Variants in TSPEAR observed in about 807,000 individuals in gnomAD.
TSPEAR encodes thrombospondin type laminin G domain and EAR repeats.
TSPEAR carries 69 observed loss-of-function variants against 71.6 expected under a neutral mutation model. The ratio of observed to expected loss-of-function variants is 0.96; its 90% CI spans 0.79 to 1.18. The LOEUF is 1.18. Among genes scored for constraint, TSPEAR ranks in the 50% most tolerant of loss-of-function variants. The pLI is 0.00. For missense variants in TSPEAR, 971 were observed against 894.9 expected, an observed-to-expected ratio of 1.09 and a Z score of -1.09; for synonymous variants, 402 against 387.2, an observed-to-expected ratio of 1.04 and a Z score of -0.45.
intron 1 of TSPEAR, among the ~76,000 whole-genome samples, chr21:44,641,814 T>C (rs1425143519): frequency 6.6e-6 from 1 of 152,144 alleles, no homozygotes; most frequent in Non-Finnish European, 1.5e-5. Context: ...GGGAAGAAAT[T>C]CCGCACCTAG....
chr21:44,708,860 G>A (rs1372272196), intron 1 of TSPEAR, among the ~76,000 whole-genome samples: 2 of 152,236 alleles, frequency 1.3e-5, no homozygotes, highest in Admixed American at 1.3e-4. Context: ...CCTGGCCTGT[G>A]GCTGCCACAT....
At chr21:44,580,720 C>G (rs999082148) in intron 1 of TSPEAR, 1 of 825,372 alleles carries the variant, frequency 1.2e-6, no homozygotes, top group Non-Finnish European at 1.9e-6. Flanking sequence ...GTTGTCCCGA[C>G]AGGAGGCTCC....
intron 1 of TSPEAR, among the ~76,000 whole-genome samples, chr21:44,572,510 C>T (rs2053817453): frequency 6.6e-6 from 1 of 152,062 alleles, no homozygotes; most frequent in South Asian, 2.1e-4. Flanking sequence ...GTGCTGGGCA[C>T]CTGCTGTCCT....
In TSPEAR at chr21:44,580,631, G is replaced by A. The variant is rs782098425; in HGVS notation, c.83-12626C>T. On this transcript the variant is annotated intron_variant, in intron 1 of 11. Coordinates refer to ENST00000323084, the MANE Select transcript of TSPEAR (RefSeq NM_144991.3). ...AGCTGGGGGAGGTGTGAGTGAGTGA[G>A]TGTGTGAGTGAGTGAAGGAGGGAGT... The A allele has an allele frequency of 1.6e-3, 2,432 of 1,544,574 alleles. 4 individuals are homozygous for A. The highest frequency in any genetic ancestry group is 2.0e-3 in the Non-Finnish European group (2,284 of 1,133,440).
intron 1 of TSPEAR, chr21:44,579,734 C>T (rs1555924529): frequency 6.3e-7 from 1 of 1,594,828 alleles, no homozygotes; most frequent in South Asian, 1.1e-5. Flanking sequence ...TGCACATCAG[C>T]AACTGGACTC....
chr21:44,615,707 C>T (rs1455916215), intron 1 of TSPEAR, among the ~76,000 whole-genome samples: 1 of 152,072 alleles, frequency 6.6e-6, no homozygotes. Context: ...CTGAAGATGG[C>T]CAACTTCTAT....
intron 2 of TSPEAR, among the ~76,000 whole-genome samples, chr21:44,536,165 T>A (rs2053087861): frequency 6.6e-6 from 1 of 152,232 alleles, no homozygotes; most frequent in Non-Finnish European, 1.5e-5. Context: ...CCTGCCCAGC[T>A]GCAGTGGCTG....
In TSPEAR at chr21:44,540,227, AGT is replaced by A. The variant is rs2146005581; in HGVS notation, c.304-6306_304-6305del. On this transcript the variant is annotated intron_variant, in intron 2 of 11. Coordinates refer to ENST00000323084, the MANE Select transcript of TSPEAR (RefSeq NM_144991.3). ...GAGTCAGTGTGTGTGTGAGTGACTG[AGT>A]GTGTGAGTGAGTGTGTGAGCTTCGT... The A allele has an allele frequency of 2.6e-6, 4 of 1,564,818 alleles. No individual in the cohort carries two copies. In the East Asian group the frequency reaches 6.7e-5, roughly 26 times the overall value.
intron 1 of TSPEAR, among the ~76,000 whole-genome samples, chr21:44,691,176 A>T (rs1555949695): frequency 6.6e-6 from 1 of 151,870 alleles, no homozygotes; most frequent in Non-Finnish European, 1.5e-5. Context: ...TCCTAAGAAC[A>T]TGATTTTACA....
In TSPEAR at chr21:44,710,287, G is replaced by C. The variant is rs530105456; in HGVS notation, c.82+1146C>G. On this transcript the variant is annotated intron_variant, in intron 1 of 11. Transcript: ENST00000323084. This position sits in a 1 kb window ranked among gnomAD's most constrained non-coding sequence, Gnocchi z 4.6. ...CAGGTGCAGCTGTGCGGGAGCTTCA[G>C]TCCTGTCCCCAACACCCAGGCAGTA... is the stretch of plus-strand genomic sequence containing the variant. Among the ~76,000 whole-genome samples, 1 of 152,206 alleles carries C rather than the reference G, an allele frequency of 6.6e-6. No individual in the cohort carries two copies. Among genetic ancestry groups the C allele is most frequent in the South Asian group, 2.1e-4 (1 of 4,836 alleles).
At position 44,580,614 on chromosome 21, in the gene TSPEAR, G is replaced by C. The variant is rs782570317; in HGVS notation, c.83-12609C>G. 75 of 1,583,820 alleles carry C rather than the reference G, an allele frequency of 4.7e-5. No individual in the cohort carries two copies. In the South Asian group the frequency reaches 8.8e-4, roughly 19 times the overall value. On this transcript the variant is annotated intron_variant, in intron 1 of 11. Transcript: ENST00000323084. ...GGAAGACGTGAGCTGGGAGCTGGGG[G>C]AGGTGTGAGTGAGTGAGTGTGTGAG...
At position 44,710,412 on chromosome 21, in the gene TSPEAR, GACCCCCACCCCC is replaced by G. The variant is rs140436354; in HGVS notation, c.82+1009_82+1020del. 2.1e-4 allele frequency among the ~76,000 whole-genome samples: 31 copies of G among 150,592 alleles called. 1 individual carries two copies. Among genetic ancestry groups the G allele is most frequent in the African/African-American group, 3.9e-4 (16 of 40,810 alleles). ...TCCCTGGGTGGGCAGGCACGTTTATGACCCCCACCCCCACCCCCACCCCCCACGCGAGTCAGC... is the reference window on the plus strand; with the variant it reads ...TCCCTGGGTGGGCAGGCACGTTTATGACCCCCACCCCCCACGCGAGTCAGC... On this transcript the variant is annotated intron_variant, in intron 1 of 11. Transcript: ENST00000323084. The surrounding 1 kb of genome is among the most constrained non-coding windows in gnomAD (Gnocchi z 4.6).
rs587654699 is a variant in TSPEAR at position 44,498,283 on chromosome 21, T to A, written c.*1500A>T. The A allele has an allele frequency of 6.6e-6, 1 of 152,388 alleles. No homozygotes were observed. The highest frequency in any genetic ancestry group is 6.5e-5 in the Admixed American group (1 of 15,308). 9.4% of individuals were successfully genotyped at this position (152,388 alleles called of 1,614,324 possible). Reference sequence around the variant, plus strand: ...GTGAATTGGGGTGTCGAGTTTTTAATCTTCCTTTCACAGGTGCTGACCCAA... The same window carrying A: ...GTGAATTGGGGTGTCGAGTTTTTAAACTTCCTTTCACAGGTGCTGACCCAA... On this transcript the variant is annotated 3_prime_UTR_variant, in exon 12 of 12. Transcript: ENST00000323084.
chr21:44,612,762 G>T lies in TSPEAR; in HGVS notation c.83-44757C>A. The T allele has an allele frequency of 1.9e-6, 3 of 1,613,662 alleles. No homozygotes were observed. The highest frequency in any genetic ancestry group is 2.5e-6 in the Non-Finnish European group (3 of 1,179,938). ...TGCCGCCCTGTGTGCCGGCCTGCCT[G>T]CTGTGTGCCTGTCCCCTCCTGTTGT... On this transcript the variant is annotated intron_variant, in intron 1 of 11. Coordinates refer to ENST00000323084, the MANE Select transcript of TSPEAR (RefSeq NM_144991.3). This position sits in a 1 kb window ranked among gnomAD's most constrained non-coding sequence, Gnocchi z 4.1.
At chr21:44,586,005 G>T (rs464281) in intron 1 of TSPEAR, among the ~76,000 whole-genome samples, 10 of 152,322 alleles carry the variant, frequency 6.6e-5, no homozygotes, top group South Asian at 2.1e-4. Flanking sequence ...GCTGAGTACA[G>T]GGGCTTTGGT....
At chr21:44,570,312 G>T (rs923344888) in intron 1 of TSPEAR, among the ~76,000 whole-genome samples, 2 of 152,202 alleles carry the variant, frequency 1.3e-5, no homozygotes, top group Admixed American at 6.5e-5. Context: ...CGGACCCCAC[G>T]CCTGCAGTGT....
chr21:44,709,179 C>T (rs1379455558), intron 1 of TSPEAR, among the ~76,000 whole-genome samples: 6 of 152,100 alleles, frequency 3.9e-5, no homozygotes, highest in African/African-American at 1.4e-4. Context: ...GGATCTCCTG[C>T]CTTGATCTCC....
chr21:44,612,613 C>CA lies in TSPEAR; in HGVS notation c.83-44609dup. On this transcript the variant is annotated intron_variant, in intron 1 of 11. Transcript: ENST00000323084. This position sits in a 1 kb window ranked among gnomAD's most constrained non-coding sequence, Gnocchi z 4.1. ...AGGCCTGCTGTGTGCCCATCTGCTG[C>CA]AAGCCCATCTGCTGTGTGCCTGTCT... 6.2e-7 allele frequency: 1 copy of CA among 1,614,106 alleles called. No individual in the cohort carries two copies. Among genetic ancestry groups the CA allele is most frequent in the Non-Finnish European group, 8.5e-7 (1 of 1,179,994 alleles).
At chr21:44,608,934 A>G (rs1486225953) in intron 1 of TSPEAR, among the ~76,000 whole-genome samples, 2 of 152,252 alleles carry the variant, frequency 1.3e-5, no homozygotes, top group African/African-American at 2.4e-5. Flanking sequence ...TAGGAGCACT[A>G]TTAACAGCAG....
Sources: gnomAD v4.1 joint callset for allele counts (sites outside exome capture counted in the v4.1 genomes callset) on GRCh38, gnomAD v4.1.1 for gene constraint, Gnocchi (gnomAD v3.1) non-coding constraint, MANE v1.5 for transcripts, NCBI Gene and HGNC (gene_info 2026-07-23, HGNC 2026-07-21) for gene names.